CYP3A7: variants seen among roughly 807,000 people sequenced by gnomAD.
CYP3A7 encodes cytochrome P450 3A7.
In CYP3A7, 45 loss-of-function variants were observed where a neutral mutation model predicts 55.2. The ratio of observed to expected loss-of-function variants is 0.82; its 90% CI spans 0.64 to 1.05. CYP3A7 has a LOEUF of 1.05. CYP3A7 is among the 50% of genes least tolerant of loss of function. The pLI, the probability that CYP3A7 is intolerant of heterozygous loss-of-function variation, is 0.00. For missense variants in CYP3A7, 548 were observed against 605.3 expected, an observed-to-expected ratio of 0.91 and a Z score of 0.99; for synonymous variants, 180 against 207.4, an observed-to-expected ratio of 0.87 and a Z score of 1.13.
intron 9 of CYP3A7, among the ~76,000 whole-genome samples, chr7:99,711,228 A>G (rs1813737458): frequency 2.0e-5 from 3 of 152,188 alleles, no homozygotes; most frequent in Non-Finnish European, 4.4e-5. Context: ...GAATGATCCT[A>G]AAAGTACTTT....
At position 99,712,274 on chromosome 7, in the gene CYP3A7, A is replaced by G. The variant is rs1254404057; in HGVS notation, c.865+1195T>C. On this transcript the variant is annotated intron_variant, in intron 9 of 12. Coordinates refer to ENST00000336374, the MANE Select transcript of CYP3A7 (RefSeq NM_000765.5). ...ACAGAGCTGTGATTTACCAGTGAAGATTTCTGTGATGCAGTTGTGGGTAAA... is the reference window on the plus strand; with the variant it reads ...ACAGAGCTGTGATTTACCAGTGAAGGTTTCTGTGATGCAGTTGTGGGTAAA... 7.2e-5 allele frequency among the ~76,000 whole-genome samples: 11 copies of G among 152,266 alleles called. No individual in the cohort carries two copies. The East Asian group carries it at 1.5e-3, about 21-fold the overall frequency.
In CYP3A7 at chr7:99,710,902, G is replaced by A. The variant is rs1291563851; in HGVS notation, c.866-10C>T. ...TCCAGATCAGACAGAGCTGAAAGGA[G>A]AGAAAAGACATTTTAGGTAAATCAG... On this transcript the variant is annotated splice_polypyrimidine_tract_variant and intron_variant, in intron 9 of 12. Coordinates refer to ENST00000336374, the MANE Select transcript of CYP3A7 (RefSeq NM_000765.5). The A allele has an allele frequency of 1.2e-6, 2 of 1,613,594 alleles. No homozygotes were observed. The highest frequency in any genetic ancestry group is 1.3e-5 in the African/African-American group (1 of 75,016).
At chr7:99,726,953 C>T (rs1386611991) in intron 2 of CYP3A7, among the ~76,000 whole-genome samples, 2 of 152,216 alleles carry the variant, frequency 1.3e-5, no homozygotes. Flanking sequence ...CAAAACAACT[C>T]CTTTCCTTCC....
chr7:99,715,722 A>T, intron 7 of CYP3A7, 36 bp downstream of exon 7: 1 of 1,613,410 alleles, frequency 6.2e-7, no homozygotes, highest in Non-Finnish European at 8.5e-7. Flanking sequence ...TATTTTTAAG[A>T]GAGAGGGAGA....
chr7:99,722,780 T>C (rs1211487505), intron 2 of CYP3A7, among the ~76,000 whole-genome samples: 1 of 152,218 alleles, frequency 6.6e-6, no homozygotes, highest in Non-Finnish European at 1.5e-5. Flanking sequence ...TTTTCATTTA[T>C]TTCATGAGCT....
At chr7:99,706,654 A>C (rs575681489) in intron 12 of CYP3A7, among the ~76,000 whole-genome samples, 1 of 152,276 alleles carries the variant, frequency 6.6e-6, no homozygotes, top group African/African-American at 2.4e-5. Flanking sequence ...CATTATTTAA[A>C]AATTTTCAAA....
At chr7:99,730,867 A>G in intron 2 of CYP3A7, 192 bp downstream of exon 2, 1 of 671,126 alleles carries the variant, frequency 1.5e-6, no homozygotes, top group Non-Finnish European at 2.4e-6. Flanking sequence ...CAACTGAGGC[A>G]AACTTGAGGT....
At chr7:99,725,389 G>A (rs1814371345) in intron 2 of CYP3A7, among the ~76,000 whole-genome samples, 1 of 152,186 alleles carries the variant, frequency 6.6e-6, no homozygotes, top group Non-Finnish European at 1.5e-5. Context: ...ATAGAGAAGA[G>A]GCGGCCAAGT....
chr7:99,714,128 A>G (rs938960741), intron 8 of CYP3A7, among the ~76,000 whole-genome samples: 2 of 152,212 alleles, frequency 1.3e-5, no homozygotes, highest in African/African-American at 4.8e-5. Context: ...GTGGCCTGAT[A>G]GGACCTTTTG....
At chr7:99,712,320 ATTCTG>A (rs1446730170) in intron 9 of CYP3A7, among the ~76,000 whole-genome samples, 2 of 152,238 alleles carry the variant, frequency 1.3e-5, no homozygotes, top group African/African-American at 4.8e-5. Context: ...TAATAATTGT[ATTCTG>A]TTACCATGAA....
intron 9 of CYP3A7, among the ~76,000 whole-genome samples, chr7:99,712,773 C>A (rs1342250063): frequency 6.6e-6 from 1 of 152,142 alleles, no homozygotes; most frequent in African/African-American, 2.4e-5. Context: ...AATTTTGTGA[C>A]ATGATTGCCA....
At chr7:99,716,570 A>G (rs1813957078) in intron 6 of CYP3A7, among the ~76,000 whole-genome samples, 1 of 152,198 alleles carries the variant, frequency 6.6e-6, no homozygotes, top group Non-Finnish European at 1.5e-5. Context: ...GAGTGACCAC[A>G]TATCCCCTGT....
At chr7:99,734,938 A>G in intron 1 of CYP3A7, 85 bp downstream of exon 1, 3 of 1,596,794 alleles carry the variant, frequency 1.9e-6, no homozygotes, top group Non-Finnish European at 2.6e-6. Flanking sequence ...CCTTTTTGCT[A>G]TTCAAAACAG....
intron 7 of CYP3A7, among the ~76,000 whole-genome samples, chr7:99,715,033 C>A (rs1813885409): frequency 6.6e-6 from 1 of 152,108 alleles, no homozygotes; most frequent in South Asian, 2.1e-4. Context: ...TCATGCTCTT[C>A]AAGAAATCAG....
chr7:99,718,788 C>T (rs1430234315), intron 4 of CYP3A7, among the ~76,000 whole-genome samples: 1 of 152,152 alleles, frequency 6.6e-6, no homozygotes, highest in African/African-American at 2.4e-5. Context: ...TCTAGAAATA[C>T]TAAGTCAGCT....
chr7:99,710,814 G>A lies in CYP3A7; in HGVS notation c.944C>T (p.Ser315Phe), dbSNP rs918800257. Residue 315 changes from serine (S) to phenylalanine (F), a missense_variant, in exon 10 of 13, where the codon TCC becomes TTC. Transcript: ENST00000336374. ...AGYETTSSVL[S>F]FIIYELATHP... ...AGTGGCCAGTTCATATATAATGAAG[G>A]AGAGAACACTGCTCGTGGTTTCATA... The A allele has an allele frequency of 1.2e-6, 2 of 1,613,764 alleles. No homozygotes were observed. Among genetic ancestry groups the A allele is most frequent in the African/African-American group, 1.3e-5 (1 of 74,902 alleles).
intron 4 of CYP3A7, 78 bp downstream of exon 4, chr7:99,720,235 T>C (rs917760217): frequency 4.5e-6 from 7 of 1,559,464 alleles, no homozygotes; most frequent in Non-Finnish European, 6.1e-6. Context: ...TAGGCAACTG[T>C]CTATGAATAT....
intron 10 of CYP3A7, 56 bp downstream of exon 10, chr7:99,710,676 A>G (rs1340945695): frequency 2.5e-6 from 4 of 1,612,760 alleles, no homozygotes; most frequent in African/African-American, 2.7e-5. Context: ...GTGGTGAGGA[A>G]GCATCTTTGC....
intron 1 of CYP3A7, among the ~76,000 whole-genome samples, chr7:99,732,319 A>G (rs1010569013): frequency 1.3e-5 from 2 of 152,086 alleles, no homozygotes; most frequent in Non-Finnish European, 2.9e-5. Context: ...AGAAGTCGCT[A>G]TGCTTCCTGT....
Sources: gnomAD v4.1 joint callset for allele counts (sites outside exome capture counted in the v4.1 genomes callset) on GRCh38, gnomAD v4.1.1 for gene constraint, MANE v1.5 for transcripts, NCBI Gene and HGNC (gene_info 2026-07-23, HGNC 2026-07-21) for gene names.